Variants in MACROD1 observed in about 807,000 individuals in gnomAD.
MACROD1 encodes ADP-ribose glycohydrolase MACROD1.
Under a neutral mutation model 41.4 loss-of-function variants are expected in MACROD1, and 31 were observed. That is an observed-to-expected ratio of 0.75 (90% CI 0.56 to 1.01). The LOEUF (loss-of-function observed/expected upper bound fraction) is 1.01, where lower values mean the gene tolerates loss of function less well. MACROD1 is among the 50% of genes least tolerant of loss of function. The pLI, the probability that MACROD1 is intolerant of heterozygous loss-of-function variation, is 0.00. For synonymous variants in MACROD1, 252 were observed against 203.4 expected (o/e 1.24, Z -2.03); for missense variants, 473 against 460.0 (o/e 1.03, Z -0.26).
chr11:64,083,834 T>C (rs993291742), intron 3 of MACROD1, among the ~76,000 whole-genome samples: 1 of 152,152 alleles, frequency 6.6e-6, no homozygotes, highest in Non-Finnish European at 1.5e-5. Context: ...GACCGACGGA[T>C]CTGCCAGGGC....
In MACROD1 at chr11:64,046,479, G is replaced by C. The variant is rs533626598; in HGVS notation, c.518-31198C>G. The stretch of plus-strand genomic sequence containing the variant: ...CTACCCTTGCCCTGGACCCCAGACA[G>C]TGCTGGCCTTTGTCTGGGACCCTGC... On this transcript the variant is annotated intron_variant, in intron 3 of 10. Transcript: ENST00000255681. Among the ~76,000 whole-genome samples, 16 of 152,312 alleles carry C rather than the reference G, an allele frequency of 1.1e-4. No individual in the cohort carries two copies. In the South Asian group the frequency reaches 3.3e-3, roughly 32 times the overall value.
intron 3 of MACROD1, among the ~76,000 whole-genome samples, chr11:64,072,436 A>G (rs1944127340): frequency 6.8e-6 from 1 of 147,872 alleles, no homozygotes; most frequent in East Asian, 1.9e-4. Flanking sequence ...AAAAAAAAAA[A>G]TAATAATTAC....
At chr11:64,110,878 C>G (rs4980506) in intron 3 of MACROD1, among the ~76,000 whole-genome samples, 9,133 of 152,236 alleles carry the variant, frequency 0.06, 371 homozygotes, top group Middle Eastern at 0.14. Flanking sequence ...TCTGGTGAGG[C>G]GTGCTATCTT....
rs760182313 is a variant in MACROD1, at chr11:63,999,516, T to C, written c.817+14A>G. 3.7e-6 allele frequency: 6 copies of C among 1,605,070 alleles called. No individual in the cohort carries two copies. The Admixed American group carries it at 1.0e-4, about 27-fold the overall frequency. On this transcript the variant is annotated intron_variant, in intron 7 of 10. Transcript: ENST00000255681. ...ACCGCCCACTCCTGGTCCTTGCCTT[T>C]CTTCCAGACTCACCAAACACGCCGG...
At chr11:64,060,810 GC>G (rs1180051581) in intron 3 of MACROD1, among the ~76,000 whole-genome samples, 1 of 152,216 alleles carries the variant, frequency 6.6e-6, no homozygotes, top group Non-Finnish European at 1.5e-5. Flanking sequence ...TTTGAGTCCT[GC>G]AGCCCCCGGG....
chr11:64,092,383 G>A (rs1944505578), intron 3 of MACROD1, among the ~76,000 whole-genome samples: 1 of 152,232 alleles, frequency 6.6e-6, no homozygotes, highest in South Asian at 2.1e-4. Flanking sequence ...GCCTGGCAGG[G>A]GTCCTGGGGT....
intron 1 of MACROD1, among the ~76,000 whole-genome samples, chr11:64,157,122 T>A (rs1325137991): frequency 6.6e-6 from 1 of 152,008 alleles, no homozygotes; most frequent in East Asian, 1.9e-4. Flanking sequence ...AGACAGAGTC[T>A]CACTCTGTCA....
chr11:63,999,415 TG>T lies in MACROD1; in HGVS notation c.818-12del, dbSNP rs760989035. On this transcript the variant is annotated splice_polypyrimidine_tract_variant and intron_variant, in intron 7 of 10. Coordinates refer to ENST00000255681, the MANE Select transcript of MACROD1 (RefSeq NM_014067.4). Reference sequence around the variant, plus strand: ...CCTCACAGGGGTAGCCTGAGGCGGGTGGGGCGGGAGTGAGTCCTAGGCTCTG... The same window carrying T: ...CCTCACAGGGGTAGCCTGAGGCGGGTGGGCGGGAGTGAGTCCTAGGCTCTG... The T allele has an allele frequency of 1.0e-5, 16 of 1,562,574 alleles. No homozygotes were observed. The highest frequency in any genetic ancestry group is 1.4e-5 in the Non-Finnish European group (16 of 1,158,058).
At chr11:64,018,582 C>CGAGG (rs1271260801) in intron 3 of MACROD1, among the ~76,000 whole-genome samples, 6 of 152,222 alleles carry the variant, frequency 3.9e-5, no homozygotes, top group Non-Finnish European at 7.3e-5. Context: ...CCCTGCTCCT[C>CGAGG]AGGCCTCCGT....
intron 3 of MACROD1, among the ~76,000 whole-genome samples, chr11:64,115,146 G>C (rs1177131384): frequency 6.6e-6 from 1 of 152,220 alleles, no homozygotes; most frequent in African/African-American, 2.4e-5. Context: ...GTGTTTTACA[G>C]CAGACTTTTG....
intron 1 of MACROD1, among the ~76,000 whole-genome samples, chr11:64,158,839 G>T (rs1945709062): frequency 6.6e-6 from 1 of 152,098 alleles, no homozygotes; most frequent in African/African-American, 2.4e-5. Flanking sequence ...ATCTTCTGAT[G>T]AAAAGGCACT....
intron 3 of MACROD1, chr11:64,116,262 T>C (rs1171672331): frequency 5.7e-6 from 9 of 1,592,812 alleles, no homozygotes; most frequent in Middle Eastern, 1.7e-4. Context: ...CCCCCAGCCA[T>C]CCACCATGGT....
Position 64,158,306 on chromosome 11 carries a change from G to A in MACROD1, c.299-5913C>T, listed in dbSNP as rs551054129. 3.3e-5 allele frequency among the ~76,000 whole-genome samples: 5 copies of A among 152,356 alleles called. No individual in the cohort carries two copies. The South Asian group carries it at 1.0e-3, about 32-fold the overall frequency. On this transcript the variant is annotated intron_variant, in intron 1 of 10. Transcript: ENST00000255681. Reference sequence around the variant, plus strand: ...GTCACCACGGCCAGCACAGAGCAGAGAGAGGAGACAGGCCTGAGGGCCTGA... The same window carrying A: ...GTCACCACGGCCAGCACAGAGCAGAAAGAGGAGACAGGCCTGAGGGCCTGA...
chr11:64,163,171 G>A (rs183700334), intron 1 of MACROD1, among the ~76,000 whole-genome samples: 112 of 151,842 alleles, frequency 7.4e-4, no homozygotes, highest in Non-Finnish European at 1.5e-3. Context: ...CGGGTATAGT[G>A]GTGGGTGCCT....
intron 3 of MACROD1, among the ~76,000 whole-genome samples, chr11:64,086,495 C>G (rs572656816): frequency 6.6e-6 from 1 of 151,754 alleles, no homozygotes; most frequent in East Asian, 2.0e-4. Context: ...CAGGCCCTTC[C>G]CTGAGGTCCC....
At chr11:64,094,647 C>T (rs2134535558) in intron 3 of MACROD1, among the ~76,000 whole-genome samples, 1 of 152,304 alleles carries the variant, frequency 6.6e-6, no homozygotes, top group Non-Finnish European at 1.5e-5. Flanking sequence ...ACTCCGGAGG[C>T]TCAGTGTGTG....
chr11:64,074,654 T>C (rs1048270014), intron 3 of MACROD1, among the ~76,000 whole-genome samples: 14 of 152,216 alleles, frequency 9.2e-5, no homozygotes, highest in African/African-American at 3.4e-4. Flanking sequence ...CCTTACAGCA[T>C]GTCCAAGTAG....
chr11:64,038,086 C>T (rs532400914), intron 3 of MACROD1, among the ~76,000 whole-genome samples: 1 of 152,284 alleles, frequency 6.6e-6, no homozygotes, highest in South Asian at 2.1e-4. Context: ...TCAGTGGCAG[C>T]GCCCTGTGTC....
At chr11:64,085,263 G>A (rs1293443121) in intron 3 of MACROD1, among the ~76,000 whole-genome samples, 3 of 152,208 alleles carry the variant, frequency 2.0e-5, no homozygotes, top group East Asian at 3.9e-4. Context: ...TGGGCACCAC[G>A]GAGGTGGTTC....
Sources: gnomAD v4.1 joint callset for allele counts (sites outside exome capture counted in the v4.1 genomes callset) on GRCh38, gnomAD v4.1.1 for gene constraint, MANE v1.5 for transcripts, NCBI Gene and HGNC (gene_info 2026-07-23, HGNC 2026-07-21) for gene names.